The following LRP1B variants were observed in gnomAD, a reference collection of about 807,000 sequenced individuals.
LRP1B encodes the protein LDL receptor related protein 1B, also known as low-density lipoprotein receptor-related protein 1B.
Under a neutral mutation model 556.6 loss-of-function variants are expected in LRP1B, and 217 were observed. That is an observed-to-expected ratio of 0.39 (90% CI 0.35 to 0.44). LRP1B has a LOEUF of 0.44. LRP1B is among the 20% of genes least tolerant of loss of function. The pLI is 1.00. For missense variants in LRP1B, 5,053 were observed against 5,620.8 expected (o/e 0.90, Z 3.23); for synonymous variants, 2,047 against 1,865.8 (o/e 1.10, Z -2.50).
chr2:140,731,323 T>C (rs1687768212), intron 35 of LRP1B, among the ~76,000 whole-genome samples: 2 of 152,120 alleles, frequency 1.3e-5, no homozygotes, highest in Admixed American at 1.3e-4. Context: ...TCCTCCAGCT[T>C]TCCATACATG....
At chr2:141,606,920 G>A (rs1004888932) in intron 2 of LRP1B, among the ~76,000 whole-genome samples, 3 of 152,098 alleles carry the variant, frequency 2.0e-5, no homozygotes, top group African/African-American at 7.2e-5. Context: ...GTGAGATTAT[G>A]TCTGAGTTTT....
intron 2 of LRP1B, among the ~76,000 whole-genome samples, chr2:141,588,518 A>C (rs973911830): frequency 1.3e-5 from 2 of 152,172 alleles, no homozygotes; most frequent in African/African-American, 4.8e-5. Context: ...ACTAGCAAAC[A>C]TTTACAGGGA....
At chr2:141,107,003 G>A (rs889141359) in intron 7 of LRP1B, among the ~76,000 whole-genome samples, 1 of 150,860 alleles carries the variant, frequency 6.6e-6, no homozygotes, top group African/African-American at 2.4e-5. Context: ...TCTTTGCATT[G>A]GTATTATGCT....
In LRP1B at chr2:140,485,342, C is replaced by A; in HGVS notation, c.9425+1G>T. 1 of 1,605,786 alleles carries A rather than the reference C, an allele frequency of 6.2e-7. No homozygotes were observed. The highest frequency in any genetic ancestry group is 1.1e-5 in the South Asian group (1 of 89,302). On this transcript the variant is annotated splice_donor_variant, in intron 59 of 90. Transcript: ENST00000389484. LOFTEE classifies it high-confidence loss of function. The stretch of plus-strand genomic sequence containing the variant: ...TAAGATTTTTAACAGTTTTTACAAA[C>A]CCAGCTTGAGGATCTAAAGACAAGT...
chr2:142,019,441 G>A (rs1703259322), intron 1 of LRP1B, among the ~76,000 whole-genome samples: 1 of 152,078 alleles, frequency 6.6e-6, no homozygotes, highest in Non-Finnish European at 1.5e-5. Context: ...TGCCGTTTCT[G>A]CTCAGAAACT....
At chr2:141,440,476 G>T (rs938546918) in intron 3 of LRP1B, among the ~76,000 whole-genome samples, 15 of 152,208 alleles carry the variant, frequency 9.9e-5, no homozygotes, top group African/African-American at 3.4e-4. Flanking sequence ...CCCAGCTCCT[G>T]CAGCAGCAAC....
At chr2:141,747,637 A>T (rs183590738) in intron 2 of LRP1B, among the ~76,000 whole-genome samples, 27 of 152,174 alleles carry the variant, frequency 1.8e-4, no homozygotes, top group African/African-American at 6.5e-4. Flanking sequence ...ATAAATAAAT[A>T]AATCTAATTA....
intron 2 of LRP1B, among the ~76,000 whole-genome samples, chr2:141,671,629 T>G (rs1369288143): frequency 6.6e-6 from 1 of 152,176 alleles, no homozygotes; most frequent in Non-Finnish European, 1.5e-5. Flanking sequence ...AACATACCAT[T>G]GCATTCTTCT....
intron 37 of LRP1B, among the ~76,000 whole-genome samples, chr2:140,709,745 A>G (rs1372834707): frequency 1.3e-5 from 2 of 149,988 alleles, no homozygotes; most frequent in African/African-American, 4.9e-5. Flanking sequence ...AACTTCAAAC[A>G]GAATATTAAA....
intron 66 of LRP1B, among the ~76,000 whole-genome samples, chr2:140,397,743 G>T (rs1046042314): frequency 6.6e-6 from 1 of 151,882 alleles, no homozygotes; most frequent in East Asian, 1.9e-4. Context: ...CTTGTGTTTT[G>T]TTTTTTCCAA....
intron 9 of LRP1B, among the ~76,000 whole-genome samples, chr2:141,056,705 A>T (rs775521767): frequency 1.3e-5 from 2 of 151,708 alleles, no homozygotes; most frequent in Non-Finnish European, 2.9e-5. Flanking sequence ...TCCATTTGTG[A>T]TTACTGCCTT....
intron 43 of LRP1B, among the ~76,000 whole-genome samples, chr2:140,575,447 T>C (rs1371386399): frequency 6.6e-6 from 1 of 152,204 alleles, no homozygotes; most frequent in African/African-American, 2.4e-5. Flanking sequence ...ATTATTCATG[T>C]AAGGTATGTT....
At chr2:141,883,123 C>T (rs1302553469) in intron 1 of LRP1B, among the ~76,000 whole-genome samples, 1 of 152,136 alleles carries the variant, frequency 6.6e-6, no homozygotes. Flanking sequence ...TTATGATACT[C>T]ACTTAGTCCA....
At chr2:140,823,438 G>C (rs1298877815) in intron 31 of LRP1B, among the ~76,000 whole-genome samples, 8 of 152,026 alleles carry the variant, frequency 5.3e-5, no homozygotes, top group African/African-American at 2.4e-5. Context: ...ATAATGCAGT[G>C]ATTAATGCCC....
At chr2:141,020,135 C>T (rs1573988545) in intron 11 of LRP1B, 33 bp from the exon 12 acceptor site, 4 of 1,389,328 alleles carry the variant, frequency 2.9e-6, no homozygotes, top group Non-Finnish European at 3.8e-6. Flanking sequence ...AAAGAAATTG[C>T]TTTTACAACT....
At chr2:142,085,883 T>C (rs936926552) in intron 1 of LRP1B, among the ~76,000 whole-genome samples, 1 of 152,198 alleles carries the variant, frequency 6.6e-6, no homozygotes, top group Non-Finnish European at 1.5e-5. Context: ...GTCACTGAAC[T>C]ATCCCACTCT....
At chr2:142,089,939 C>A (rs1706098070) in intron 1 of LRP1B, among the ~76,000 whole-genome samples, 1 of 152,022 alleles carries the variant, frequency 6.6e-6, no homozygotes. Context: ...GGCAGGTATG[C>A]TTTGATTGCA....
At chr2:141,348,395 A>G (rs1688327890) in intron 3 of LRP1B, among the ~76,000 whole-genome samples, 1 of 152,048 alleles carries the variant, frequency 6.6e-6, no homozygotes, top group Admixed American at 6.6e-5. Context: ...CTTCTACTTA[A>G]TAAATAAGAT....
At chr2:141,928,383 T>C (rs894600343) in intron 1 of LRP1B, among the ~76,000 whole-genome samples, 10 of 152,094 alleles carry the variant, frequency 6.6e-5, no homozygotes, top group African/African-American at 2.4e-4. Flanking sequence ...TTGAAACATA[T>C]GAAAAATAAA....
Sources: allele counts gnomAD v4.1 joint callset (sites outside exome capture counted in the v4.1 genomes callset), GRCh38; gene constraint gnomAD v4.1.1; transcripts MANE v1.5; gene names NCBI Gene and HGNC (gene_info 2026-07-23, HGNC 2026-07-21).